Variants in CAMTA1 observed in about 807,000 individuals in gnomAD.
CAMTA1 encodes calmodulin binding transcription activator 1.
A neutral mutation model predicts 170.9 loss-of-function variants in CAMTA1; 27 were observed. That is an observed-to-expected ratio of 0.16 (90% CI 0.12 to 0.22). The LOEUF is 0.22. Ranked by LOEUF, CAMTA1 falls within the 10% of genes least tolerant of loss-of-function variation. The pLI is 1.00. For synonymous variants in CAMTA1, 833 were observed against 891.5 expected, an observed-to-expected ratio of 0.93 and a Z score of 1.17; for missense variants, 1,619 against 2,217.2, an observed-to-expected ratio of 0.73 and a Z score of 5.42.
intron 3 of CAMTA1, among the ~76,000 whole-genome samples, chr1:6,982,591 T>A (rs1357601294): frequency 6.6e-6 from 1 of 152,176 alleles, no homozygotes; most frequent in East Asian, 1.9e-4. Context: ...TTCTTAAGTG[T>A]CCCAAGTACT....
rs561205944 is a variant in CAMTA1, at chr1:6,919,430, G to A, written c.234+94220G>A. Among the ~76,000 whole-genome samples the A allele has an allele frequency of 5.3e-5, 8 of 152,322 alleles. No individual in the cohort carries two copies. In the East Asian group the frequency reaches 1.5e-3, roughly 29 times the overall value. On this transcript the variant is annotated intron_variant, in intron 3 of 22. Transcript: ENST00000303635. Reference sequence around the variant, plus strand: ...GTGAGCTGCTGGAAGCTGGAGCTAGGTGTCTGAGCTGACAAGCCAGGGCAA... The same window carrying A: ...GTGAGCTGCTGGAAGCTGGAGCTAGATGTCTGAGCTGACAAGCCAGGGCAA...
intron 1 of CAMTA1, among the ~76,000 whole-genome samples, chr1:6,803,113 T>C (rs573492820): frequency 1.6e-4 from 24 of 152,338 alleles, no homozygotes; most frequent in African/African-American, 5.3e-4. Context: ...CTGTGCGGTC[T>C]TTGCCCTGTG....
At chr1:6,865,638 G>A (rs1430689862) in intron 3 of CAMTA1, among the ~76,000 whole-genome samples, 2 of 152,206 alleles carry the variant, frequency 1.3e-5, no homozygotes, top group Non-Finnish European at 2.9e-5. Flanking sequence ...AGTAATCACA[G>A]AACTAATGGT....
intron 5 of CAMTA1, among the ~76,000 whole-genome samples, chr1:7,392,269 T>TG (rs1436667725): frequency 4.2e-4 from 64 of 151,094 alleles, no homozygotes; most frequent in African/African-American, 1.5e-3. Context: ...TTTTTTTTTT[T>TG]TTTTTGAGTC....
intron 6 of CAMTA1, among the ~76,000 whole-genome samples, chr1:7,573,771 T>G (rs992491949): frequency 1.3e-5 from 2 of 152,272 alleles, no homozygotes; most frequent in South Asian, 2.1e-4. Flanking sequence ...TGGGTTTTTT[T>G]GGGTTTGTTC....
chr1:7,087,721 A>G (rs1230732640), intron 3 of CAMTA1, among the ~76,000 whole-genome samples: 1 of 152,130 alleles, frequency 6.6e-6, no homozygotes, highest in Non-Finnish European at 1.5e-5. Flanking sequence ...TTCCTATTTC[A>G]TAGTTTGTTA....
At chr1:7,644,452 G>A (rs535166931) in intron 7 of CAMTA1, among the ~76,000 whole-genome samples, 2 of 152,198 alleles carry the variant, frequency 1.3e-5, no homozygotes, top group African/African-American at 4.8e-5. Flanking sequence ...AATAACAGTG[G>A]CTTCAATGAA....
chr1:6,867,326 CT>C lies in CAMTA1; in HGVS notation c.234+42125del, dbSNP rs908567324. Among the ~76,000 whole-genome samples the C allele has an allele frequency of 4.0e-5, 6 of 150,804 alleles. No homozygotes were observed. The South Asian group carries it at 1.1e-3, about 26-fold the overall frequency. ...AAAGATATTTAACTTGTAGTTTTCG[CT>C]TTTTTTTTCTTTTTGAGGAGTATTG... On this transcript the variant is annotated intron_variant, in intron 3 of 22. Coordinates refer to ENST00000303635, the MANE Select transcript of CAMTA1 (RefSeq NM_015215.4).
chr1:7,599,549 A>G (rs143879176), intron 6 of CAMTA1, among the ~76,000 whole-genome samples: 2,433 of 152,230 alleles, frequency 0.016, 25 homozygotes, highest in Middle Eastern at 0.027. Context: ...CATTTTCATG[A>G]TATTGATTCT....
intron 11 of CAMTA1, among the ~76,000 whole-genome samples, chr1:7,704,772 T>C (rs913823284): frequency 5.5e-5 from 8 of 145,030 alleles, no homozygotes; most frequent in Non-Finnish European, 9.1e-5. Flanking sequence ...CTGCGGCGAG[T>C]GGAGCTGAGC....
chr1:7,739,624 T>C (rs991914511), intron 16 of CAMTA1, among the ~76,000 whole-genome samples: 2 of 152,122 alleles, frequency 1.3e-5, no homozygotes, highest in African/African-American at 4.8e-5. Context: ...TCTTATATGG[T>C]GGCAGGCAAG....
chr1:7,147,651 TACTC>T (rs1646290993), intron 4 of CAMTA1, among the ~76,000 whole-genome samples: 1 of 131,870 alleles, frequency 7.6e-6, no homozygotes, highest in Admixed American at 7.4e-5. Flanking sequence ...CAAATACACA[TACTC>T]AAATATGCAC....
intron 6 of CAMTA1, among the ~76,000 whole-genome samples, chr1:7,606,618 A>G (rs2095488563): frequency 6.6e-6 from 1 of 152,216 alleles, no homozygotes; most frequent in South Asian, 2.1e-4. Flanking sequence ...TCTTTGCTGC[A>G]TCGAAAAGCA....
At chr1:7,603,192 A>T (rs1050610780) in intron 6 of CAMTA1, among the ~76,000 whole-genome samples, 2 of 152,182 alleles carry the variant, frequency 1.3e-5, no homozygotes, top group Non-Finnish European at 2.9e-5. Flanking sequence ...GTAGATGTCT[A>T]TTAGGTCTGT....
intron 3 of CAMTA1, among the ~76,000 whole-genome samples, chr1:7,054,662 G>A (rs750563523): frequency 5.9e-5 from 9 of 152,164 alleles, no homozygotes; most frequent in Non-Finnish European, 8.8e-5. Context: ...AGGCAGTAGC[G>A]TGACCTTGGA....
chr1:7,483,681 A>G (rs1187853350), intron 6 of CAMTA1, among the ~76,000 whole-genome samples: 1 of 152,180 alleles, frequency 6.6e-6, no homozygotes, highest in African/African-American at 2.4e-5. Flanking sequence ...AGGACAGGGC[A>G]GTAGCCCAGG....
intron 3 of CAMTA1, among the ~76,000 whole-genome samples, chr1:6,921,829 C>T (rs1225889900): frequency 1.3e-5 from 2 of 152,160 alleles, no homozygotes; most frequent in Admixed American, 1.3e-4. Flanking sequence ...ACCCGTCCCG[C>T]TAATTCAGTC....
rs1000803811 is a variant in CAMTA1, at chr1:7,642,067, CCA to C, written c.664+1516_664+1517del. Among the ~76,000 whole-genome samples the C allele has an allele frequency of 1.8e-4, 28 of 152,168 alleles. No individual in the cohort carries two copies. Among genetic ancestry groups the C allele is most frequent in the East Asian group, 1.4e-3 (7 of 5,160 alleles). On this transcript the variant is annotated intron_variant, in intron 7 of 22. Transcript: ENST00000303635. This position sits in a 1 kb window ranked among gnomAD's most constrained non-coding sequence, Gnocchi z 6.3. ...CTCTCCCTGGCTCTGCCTGCTCACC[CCA>C]CCTTTCCCTCAGCTCTCAGCCTCTC...
intron 3 of CAMTA1, among the ~76,000 whole-genome samples, chr1:7,060,469 T>C (rs1437805404): frequency 6.6e-6 from 1 of 152,200 alleles, no homozygotes; most frequent in South Asian, 2.1e-4. Context: ...CGTCTCCAAA[T>C]CCAGTCACAT....
Sources: gnomAD v4.1 joint callset for allele counts (sites outside exome capture counted in the v4.1 genomes callset) on GRCh38, gnomAD v4.1.1 for gene constraint, Gnocchi (gnomAD v3.1) non-coding constraint, MANE v1.5 for transcripts, NCBI Gene and HGNC (gene_info 2026-07-23, HGNC 2026-07-21) for gene names.